Variants in TLCD1 observed in about 807,000 individuals in gnomAD.
The protein encoded by TLCD1 is TLC domain containing 1.
In TLCD1, 21 loss-of-function variants were observed where a neutral mutation model predicts 21.2. That is an observed-to-expected ratio of 0.99 (90% CI 0.70 to 1.42). TLCD1 has a LOEUF of 1.42. Among genes scored for constraint, TLCD1 ranks in the 40% most tolerant of loss-of-function variants. The pLI, the probability that TLCD1 is intolerant of heterozygous loss-of-function variation, is 0.00. For missense variants in TLCD1, 344 were observed against 330.3 expected (o/e 1.04, Z -0.32); for synonymous variants, 168 against 134.8 (o/e 1.25, Z -1.71).
chr17:28,725,238 G>T (rs1272131199), intron 3 of TLCD1, 66 bp downstream of exon 3: 7 of 1,563,206 alleles, frequency 4.5e-6, no homozygotes, highest in Non-Finnish European at 6.2e-6. Flanking sequence ...CCCAGATTCA[G>T]AAAGACGGAG....
intron 1 of TLCD1, 102 bp from the exon 2 acceptor site, chr17:28,725,665 G>T: frequency 7.5e-7 from 1 of 1,331,554 alleles, no homozygotes; most frequent in South Asian, 1.2e-5. Context: ...GCTCGCGCTA[G>T]TGGCTGACTG....
chr17:28,724,597 T>C lies in TLCD1; in HGVS notation c.657A>G (p.Ile219Met). ...GILLMLDVMI[I>M]IYFSRLLRSD... is the part of the protein sequence containing the mutation. ...AGCGGAGGAGGCGGGAAAAGTAGAT[T>C]ATGATCATCACGTCCAGCATGAGCA... is the stretch of plus-strand genomic sequence containing the variant. Residue 219 changes from isoleucine to methionine, a missense_variant, in exon 4 of 4, where the codon ATA becomes ATG. Physicochemically the swap from Ile to Met is conservative, Grantham distance 10. Transcript: ENST00000292090. 1 of 1,614,074 alleles carries C rather than the reference T, an allele frequency of 6.2e-7. No individual in the cohort carries two copies. Among genetic ancestry groups the C allele is most frequent in the Non-Finnish European group, 8.5e-7 (1 of 1,180,020 alleles).
Position 28,725,382 on chromosome 17 carries a change from A to G in TLCD1, c.282T>C (p.Tyr94=). The G allele has an allele frequency of 6.2e-7, 1 of 1,614,196 alleles. No individual in the cohort carries two copies. The highest frequency in any genetic ancestry group is 2.2e-5 in the East Asian group (1 of 44,886). Residue 94 remains tyrosine (Y), a synonymous_variant, in exon 3 of 4, where the codon TAT becomes TAC. Coordinates refer to ENST00000292090, the MANE Select transcript of TLCD1 (RefSeq NM_138463.4). ...GYLLVCFSAG[Y]FIHDTVDIVA... Reference sequence around the variant, plus strand: ...CGATGTCCACCGTATCGTGGATGAAATACCCTAGTGGAGGGATGGGGCAAG... The same window carrying G: ...CGATGTCCACCGTATCGTGGATGAAGTACCCTAGTGGAGGGATGGGGCAAG...
chr17:28,725,548 A>T lies in TLCD1; in HGVS notation c.210T>A (p.Pro70=). The change falls in exon 2 of 4, where the codon CCT becomes CCA. Residue 70 remains proline (P), a synonymous_variant. Transcript: ENST00000292090. ...CCGTCTCAATCTCCACTAACATGTC[A>T]GGAGTCTGCCATACACTGGAAAGGA... ...IWALLCVWQT[P]DMLVEIETAW... 2.5e-6 allele frequency: 4 copies of T among 1,614,144 alleles called. No individual in the cohort carries two copies. The highest frequency in any genetic ancestry group is 3.4e-6 in the Non-Finnish European group (4 of 1,179,994).
chr17:28,724,881 A>C lies in TLCD1; in HGVS notation c.373T>G (p.Phe125Val). ...CTGCTCCAAAAGATGCCGGAGAAGA[A>C]GGCACCCATGGCCTAGAGGGAAGAA... ...LVHHVMAMGA[F>V]FSGIFWSSFV... is the part of the protein sequence containing the mutation. Residue 125 changes from phenylalanine to valine, a missense_variant, in exon 4 of 4, where the codon TTC (phenylalanine) becomes GTC (valine). Phe to Val is a conservative substitution (Grantham distance 50, BLOSUM62 -1). Transcript: ENST00000292090. The C allele has an allele frequency of 1.2e-6, 2 of 1,613,400 alleles. No homozygotes were observed. Among genetic ancestry groups the C allele is most frequent in the South Asian group, 2.2e-5 (2 of 91,054 alleles).
chr17:28,724,842 C>T lies in TLCD1; in HGVS notation c.412G>A (p.Gly138Ser), dbSNP rs2034187287. 1 of 1,613,624 alleles carries T rather than the reference C, an allele frequency of 6.2e-7. No individual in the cohort carries two copies. Among genetic ancestry groups the T allele is most frequent in the Non-Finnish European group, 8.5e-7 (1 of 1,179,974 alleles). The part of the protein sequence containing the change: ...GIFWSSFVGG[G>S]VLTLLVEVSN... ...ACTTCCACCAGTAGTGTTAAGACAC[C>T]CCCACCGACAAAGCTGCTCCAAAAG... Residue 138 changes from glycine to serine, a missense_variant, in exon 4 of 4, where the codon GGT becomes AGT. Gly to Ser is a moderately conservative substitution (Grantham distance 56, BLOSUM62 0). Coordinates refer to ENST00000292090, the MANE Select transcript of TLCD1 (RefSeq NM_138463.4).
chr17:28,724,925 C>T (rs1395267794), intron 3 of TLCD1, 32 bp from the exon 4 acceptor site: 7 of 1,586,004 alleles, frequency 4.4e-6, no homozygotes, highest in Non-Finnish European at 6.0e-6. Context: ...AGTTAGGGAA[C>T]CCAGATGCAG....
chr17:28,724,939 C>G (rs989803430), intron 3 of TLCD1, 46 bp from the exon 4 acceptor site: 3 of 1,571,564 alleles, frequency 1.9e-6, no homozygotes. Flanking sequence ...GATGCAGACG[C>G]TTTCCTGGAA....
intron 2 of TLCD1, 38 bp from the exon 3 acceptor site, chr17:28,725,424 A>G: frequency 6.2e-7 from 1 of 1,614,046 alleles, no homozygotes; most frequent in South Asian, 1.1e-5. Flanking sequence ...TGAACTGAAC[A>G]AGCAGCTTCC....
upstream of TLCD1, chr17:28,727,209 T>C (rs2034246457): frequency 4.4e-6 from 1 of 227,360 alleles, no homozygotes. Context: ...GGAAAGGTGC[T>C]GCGGGCGGGA....
chr17:28,724,501 CTG>C lies in TLCD1; in HGVS notation c.*7_*8del, dbSNP rs777663145. 5.4e-5 allele frequency: 87 copies of C among 1,611,312 alleles called. No homozygotes were observed. The African/African-American group carries it at 9.3e-4, about 17-fold the overall frequency. ...TTGTCCGTTTTTGTTGTCCCAGGCTCTGTGCCCCTCACTCAGTCAAGAACTTG... is the reference window on the plus strand; with the variant it reads ...TTGTCCGTTTTTGTTGTCCCAGGCTCTGCCCCTCACTCAGTCAAGAACTTG... On this transcript the variant is annotated 3_prime_UTR_variant, in exon 4 of 4. Transcript: ENST00000292090.
rs1234778701 is a variant in TLCD1 at position 28,725,373 on chromosome 17, G to A, written c.291C>T (p.His97=). Residue 97 remains histidine, a synonymous_variant, in exon 3 of 4, where the codon CAC becomes CAT. Coordinates refer to ENST00000292090, the MANE Select transcript of TLCD1 (RefSeq NM_138463.4). ...CGCTAGCCACGATGTCCACCGTATCGTGGATGAAATACCCTAGTGGAGGGA... is the reference window on the plus strand; with the variant it reads ...CGCTAGCCACGATGTCCACCGTATCATGGATGAAATACCCTAGTGGAGGGA... ...LVCFSAGYFI[H]DTVDIVASGQ... is the part of the protein sequence containing the mutation. 7.4e-6 allele frequency: 12 copies of A among 1,614,170 alleles called. No homozygotes were observed. Among genetic ancestry groups the A allele is most frequent in the Non-Finnish European group, 1.0e-5 (12 of 1,180,040 alleles).
Position 28,724,826 on chromosome 17 carries a change from A to G in TLCD1, c.428T>C (p.Leu143Pro). The G allele has an allele frequency of 1.2e-6, 2 of 1,614,030 alleles. No homozygotes were observed. Among genetic ancestry groups the G allele is most frequent in the South Asian group, 1.1e-5 (1 of 91,054 alleles). ...SFVGGGVLTLLVEVSNIFLTI... is the reference protein window; with the variant it reads ...SFVGGGVLTLPVEVSNIFLTI... The stretch of plus-strand genomic sequence containing the variant: ...GAGGAAGATGTTGCTGACTTCCACC[A>G]GTAGTGTTAAGACACCCCCACCGAC... Residue 143 changes from leucine to proline, a missense_variant, in exon 4 of 4, where the codon CTG becomes CCG. Physicochemically the swap from Leu to Pro is moderately conservative, Grantham distance 98 (BLOSUM62 -3). Coordinates refer to ENST00000292090, the MANE Select transcript of TLCD1 (RefSeq NM_138463.4).
rs373314362 is a variant in TLCD1, at chr17:28,724,748, C to T, written c.506G>A (p.Arg169Gln). ...GACCAGGTTCACATACTTGTTAACCCGGTAGAGGAGATGATCCTGGGCATT... is the reference window on the plus strand; with the variant it reads ...GACCAGGTTCACATACTTGTTAACCTGGTAGAGGAGATGATCCTGGGCATT... ...ISNAQDHLLY[R>Q]VNKYVNLVMY... Residue 169 changes from arginine to glutamine, a missense_variant, in exon 4 of 4, where the codon CGG (arginine) becomes CAG (glutamine). Transcript: ENST00000292090. 79 of 1,614,064 alleles carry T rather than the reference C, an allele frequency of 4.9e-5. No individual in the cohort carries two copies. The highest frequency in any genetic ancestry group is 1.6e-4 in the Middle Eastern group (1 of 6,062).
Position 28,724,767 on chromosome 17 carries a change from G to T in TLCD1, c.487C>A (p.Gln163Lys), listed in dbSNP as rs777802229. Residue 163 changes from glutamine to lysine, a missense_variant, in exon 4 of 4, where the codon CAG (glutamine) becomes AAG (lysine). Physicochemically the swap from Gln to Lys is moderately conservative, Grantham distance 53 (BLOSUM62 1). Transcript: ENST00000292090. ...TTAACCCGGTAGAGGAGATGATCCT[G>T]GGCATTACTGATTTTCATCATCATG... ...IRMMMKISNA[Q>K]DHLLYRVNKY... 6.2e-7 allele frequency: 1 copy of T among 1,614,078 alleles called. No homozygotes were observed. Among genetic ancestry groups the T allele is most frequent in the Non-Finnish European group, 8.5e-7 (1 of 1,180,022 alleles).
Position 28,726,184 on chromosome 17 carries a change from C to T in TLCD1, c.-87G>A, listed in dbSNP as rs1016539324. 2 of 1,373,632 alleles carry T rather than the reference C, an allele frequency of 1.5e-6. No homozygotes were observed. The highest frequency in any genetic ancestry group is 1.7e-5 in the South Asian group (1 of 59,838). The allele number at this position is 1,373,632 out of a possible 1,614,324, so 85.1% of individuals were successfully genotyped here. On this transcript the variant is annotated 5_prime_UTR_variant, in exon 1 of 4. Coordinates refer to ENST00000292090, the MANE Select transcript of TLCD1 (RefSeq NM_138463.4). ...TCCCTCTCGGGCCAGTCCAGGCCGG[C>T]CGCCTCTCCCGCCGGCCGCCAGCCC... is the stretch of plus-strand genomic sequence containing the variant.
At position 28,724,763 on chromosome 17, in the gene TLCD1, TC is replaced by T. The variant is rs1280133077; in HGVS notation, c.490del (p.Asp164IlefsTer11). 1 of 1,614,040 alleles carries T rather than the reference TC, an allele frequency of 6.2e-7. No individual in the cohort carries two copies. The highest frequency in any genetic ancestry group is 2.2e-5 in the East Asian group (1 of 44,870). On this transcript the variant is annotated frameshift_variant, in exon 4 of 4. Transcript: ENST00000292090. LOFTEE classifies it high-confidence loss of function. ...CTTGTTAACCCGGTAGAGGAGATGA[TC>T]CTGGGCATTACTGATTTTCATCATC... ...RMMMKISNAQ[D>X]HLLYRVNKYV...
chr17:28,724,435 TGG>T lies in TLCD1; in HGVS notation c.*73_*74del. On this transcript the variant is annotated 3_prime_UTR_variant, in exon 4 of 4. Transcript: ENST00000292090. ...GCTGGCCTCAGAGGACACCCAGGCT[TGG>T]GGCTAAGTCCCAGTGTCCATATGAA... The T allele has an allele frequency of 1.9e-6, 3 of 1,548,728 alleles. No individual in the cohort carries two copies. Among genetic ancestry groups the T allele is most frequent in the Non-Finnish European group, 2.6e-6 (3 of 1,147,188 alleles).
At chr17:28,727,301 T>C (rs1461092618), upstream of TLCD1, 1 of 182,416 alleles carries the variant, frequency 5.5e-6, no homozygotes, top group Non-Finnish European at 1.2e-5. Flanking sequence ...GCTCCAAGGT[T>C]ACACATTAAC....
Sources: allele counts gnomAD v4.1 joint callset, GRCh38; gene constraint gnomAD v4.1.1; transcripts MANE v1.5; gene names NCBI Gene and HGNC (gene_info 2026-07-23, HGNC 2026-07-21).